Variants in A2ML1 observed in about 807,000 individuals in gnomAD.
The protein encoded by A2ML1 is alpha-2-macroglobulin like 1.
A neutral mutation model predicts 181.9 loss-of-function variants in A2ML1; 161 were observed. The observed-to-expected ratio is 0.89, with a 90% CI of 0.78 to 1.01. The LOEUF is 1.01. A2ML1 is among the 50% of genes least tolerant of loss of function. The probability of loss-of-function intolerance (pLI) is 0.00; values close to 1 mark genes in which losing one functional copy is unlikely to be tolerated. For missense variants in A2ML1, 1,670 were observed against 1,768.1 expected (o/e 0.94, Z 1.00); for synonymous variants, 663 against 666.8 (o/e 0.99, Z 0.09).
intron 3 of A2ML1, among the ~76,000 whole-genome samples, chr12:8,828,598 T>G (rs183814503): frequency 6.6e-6 from 1 of 152,262 alleles, no homozygotes; most frequent in East Asian, 1.9e-4. Flanking sequence ...TGTACCCCAC[T>G]GTGGCTGAGC....
chr12:8,841,770 A>G (rs1375500538), intron 11 of A2ML1, among the ~76,000 whole-genome samples: 4 of 152,140 alleles, frequency 2.6e-5, no homozygotes, highest in African/African-American at 9.7e-5. Context: ...ACATCTTTTA[A>G]CTTACCCCCA....
intron 23 of A2ML1, among the ~76,000 whole-genome samples, chr12:8,856,161 C>T (rs911055469): frequency 5.3e-5 from 8 of 152,146 alleles, no homozygotes; most frequent in Non-Finnish European, 7.3e-5. Context: ...TATAAAGTCC[C>T]CAGCACAATA....
intron 4 of A2ML1, among the ~76,000 whole-genome samples, chr12:8,832,489 C>T (rs1028423780): frequency 2.0e-5 from 3 of 152,162 alleles, no homozygotes; most frequent in Non-Finnish European, 4.4e-5. Context: ...GAACTGAATT[C>T]CTTCCCAAAG....
intron 11 of A2ML1, among the ~76,000 whole-genome samples, chr12:8,842,620 G>C (rs934335402): frequency 1.3e-5 from 2 of 152,160 alleles, no homozygotes. Flanking sequence ...GATCTCGGAG[G>C]GGGCGGGGTG....
At chr12:8,846,566 G>A (rs1214227782) in intron 14 of A2ML1, among the ~76,000 whole-genome samples, 2 of 152,006 alleles carry the variant, frequency 1.3e-5, no homozygotes, top group East Asian at 3.9e-4. Context: ...TTAGCTGGGT[G>A]TGCAGCACTT....
intron 12 of A2ML1, chr12:8,844,891 T>C (rs1943613745): frequency 3.3e-6 from 3 of 896,408 alleles, no homozygotes; most frequent in Non-Finnish European, 2.9e-6. Flanking sequence ...CTTGGAGCCC[T>C]GCAGGAGCGT....
At chr12:8,825,114 G>A (rs1232463154) in intron 3 of A2ML1, among the ~76,000 whole-genome samples, 1 of 152,244 alleles carries the variant, frequency 6.6e-6, no homozygotes. Flanking sequence ...ATACTTAGCA[G>A]TGGGCTTGCA....
intron 3 of A2ML1, 25 bp downstream of exon 3, chr12:8,823,907 G>A (rs376819557): frequency 7.5e-6 from 12 of 1,596,382 alleles, no homozygotes; most frequent in African/African-American, 4.0e-5. Flanking sequence ...TTTGGGGTTC[G>A]ACTAAAACCT....
chr12:8,857,225 T>C lies in A2ML1; in HGVS notation c.2910T>C (p.Cys970=). 1 of 1,613,130 alleles carries C rather than the reference T, an allele frequency of 6.2e-7. No homozygotes were observed. Among genetic ancestry groups the C allele is most frequent in the Non-Finnish European group, 8.5e-7 (1 of 1,180,014 alleles). ...LDGLVQMPSG[C]GEQNMVLFAP... ...GTCTGGTGCAGATGCCCAGTGGCTG[T>C]GGCGAGCAGAACATGGTCTTGTTTG... Residue 970 remains cysteine, a synonymous_variant, in exon 24 of 36, where the codon TGT becomes TGC. Transcript: ENST00000299698.
At position 8,843,286 on chromosome 12, in the gene A2ML1, C is replaced by G. The variant is rs781607442; in HGVS notation, c.1401C>G (p.Pro467=). Residue 467 remains proline, a synonymous_variant, in exon 12 of 36, where the codon CCC becomes CCG. Transcript: ENST00000299698. ...ACGGCCCCTTGAAATGTGGCCAGCC[C>G]CAGGAAGTGCTGGTGGATTATTACA... ...RLNGPLKCGQ[P]QEVLVDYYID... The G allele has an allele frequency of 6.2e-7, 1 of 1,614,170 alleles. No homozygotes were observed. Among genetic ancestry groups the G allele is most frequent in the Non-Finnish European group, 8.5e-7 (1 of 1,180,030 alleles).
In A2ML1 at chr12:8,867,911, A is replaced by G. The variant is rs1944474091; in HGVS notation, c.3787A>G (p.Asn1263Asp). ...TTAYMPSEEI[N>D]LVVKSTENFQ... is the part of the protein sequence containing the mutation. Reference sequence around the variant, plus strand: ...CGCCTACATGCCATCTGAGGAGATCAACCTGGTTGTAAAATCCACTGAGAA... The same window carrying G: ...CGCCTACATGCCATCTGAGGAGATCGACCTGGTTGTAAAATCCACTGAGAA... The change falls in exon 30 of 36, where the codon AAC becomes GAC. Residue 1263 changes from asparagine to aspartate, a missense_variant. By Grantham distance (23) the Asn-to-Asp change is conservative. Coordinates refer to ENST00000299698, the MANE Select transcript of A2ML1 (RefSeq NM_144670.6). 2 of 1,614,142 alleles carry G rather than the reference A, an allele frequency of 1.2e-6. No homozygotes were observed. The highest frequency in any genetic ancestry group is 2.2e-5 in the East Asian group (1 of 44,898).
intron 2 of A2ML1, 62 bp downstream of exon 2, chr12:8,823,427 C>T: frequency 6.8e-7 from 1 of 1,480,094 alleles, no homozygotes; most frequent in African/African-American, 1.4e-5. Flanking sequence ...CCTAGGCTCA[C>T]TATAATCTAC....
At chr12:8,861,526 T>C (rs754212819) in intron 28 of A2ML1, among the ~76,000 whole-genome samples, 55 of 152,266 alleles carry the variant, frequency 3.6e-4, no homozygotes, top group Non-Finnish European at 5.6e-4. Context: ...CTTGCTCTGT[T>C]GCCCAGGCTG....
rs1346161365 is a variant in A2ML1 at position 8,863,941 on chromosome 12, A to C, written c.3650A>C (p.Lys1217Thr). 6.8e-6 allele frequency: 11 copies of C among 1,613,702 alleles called. No individual in the cohort carries two copies. Among genetic ancestry groups the C allele is most frequent in the African/African-American group, 2.7e-5 (2 of 74,936 alleles). ...AGCCTGACTCAAAAGGAGATAGCGA[A>C]GGCCACTAGCATAGTGGCTTGGTTG... ...KPSLTQKEIA[K>T]ATSIVAWLAK... is the part of the protein sequence containing the mutation. The change falls in exon 29 of 36, where the codon AAG becomes ACG. Residue 1217 changes from lysine (K) to threonine (T), a missense_variant. By Grantham distance (78) the Lys-to-Thr change is moderately conservative. Coordinates refer to ENST00000299698, the MANE Select transcript of A2ML1 (RefSeq NM_144670.6).
chr12:8,861,957 G>T (rs767846970), intron 28 of A2ML1, among the ~76,000 whole-genome samples: 1 of 151,074 alleles, frequency 6.6e-6, no homozygotes. Flanking sequence ...AAGGGGTTTC[G>T]CCCTGTTGAC....
rs1316015637 is a variant in A2ML1 at position 8,838,327 on chromosome 12, C to T, written c.856-9C>T. ...TGCTCTCTATCTCTGTCTCTGATCA[C>T]CTCACTAGACTGACAAAACAGGATG... On this transcript the variant is annotated splice_polypyrimidine_tract_variant and intron_variant, in intron 8 of 35. Transcript: ENST00000299698. The T allele has an allele frequency of 6.2e-7, 1 of 1,603,870 alleles. No individual in the cohort carries two copies. The highest frequency in any genetic ancestry group is 1.3e-5 in the African/African-American group (1 of 74,838).
At chr12:8,853,349 T>G (rs1565482251) in intron 20 of A2ML1, among the ~76,000 whole-genome samples, 1 of 152,240 alleles carries the variant, frequency 6.6e-6, no homozygotes, top group East Asian at 1.9e-4. Flanking sequence ...GATTAAATCC[T>G]TGCAACTCAA....
At chr12:8,873,404 T>A (rs989224449) in intron 33 of A2ML1, among the ~76,000 whole-genome samples, 3 of 152,120 alleles carry the variant, frequency 2.0e-5, no homozygotes, top group African/African-American at 4.8e-5. Context: ...AAGTAACTTA[T>A]ACAATTGCCT....
At chr12:8,837,319 C>T (rs1453285666) in intron 7 of A2ML1, 121 bp from the exon 8 acceptor site, 13 of 1,389,280 alleles carry the variant, frequency 9.4e-6, no homozygotes, top group Middle Eastern at 2.1e-4. Context: ...TGCACTGGCC[C>T]AGATTGTCAG....
Sources: gnomAD v4.1 joint callset for allele counts (sites outside exome capture counted in the v4.1 genomes callset) on GRCh38, gnomAD v4.1.1 for gene constraint, MANE v1.5 for transcripts, NCBI Gene and HGNC (gene_info 2026-07-23, HGNC 2026-07-21) for gene names.